The following MARF1 variants were observed in gnomAD, a reference collection of about 807,000 sequenced individuals.
MARF1 encodes limkain-b1.
A neutral mutation model predicts 168.2 loss-of-function variants in MARF1; 24 were observed. That is an observed-to-expected ratio of 0.14 (90% CI 0.10 to 0.20). The LOEUF is 0.20. Ranked by LOEUF, MARF1 falls within the 10% of genes least tolerant of loss-of-function variation. The pLI is 1.00. For synonymous variants in MARF1, 868 were observed against 822.4 expected (o/e 1.06, Z -0.95); for missense variants, 1,744 against 2,143.6 (o/e 0.81, Z 3.68).
intron 7 of MARF1, among the ~76,000 whole-genome samples, chr16:15,627,070 G>A (rs1480229632): frequency 6.6e-6 from 1 of 152,128 alleles, no homozygotes; most frequent in Non-Finnish European, 1.5e-5. Flanking sequence ...CGAACGAACT[G>A]GCCAGGCATG....
In MARF1 at chr16:15,594,713, T is replaced by C. The variant is rs1163346434; in HGVS notation, c.*1980A>G. The C allele has an allele frequency of 6.6e-6, 1 of 152,630 alleles. No individual in the cohort carries two copies. Among genetic ancestry groups the C allele is most frequent in the Non-Finnish European group, 1.5e-5 (1 of 68,038 alleles). 9.5% of individuals were successfully genotyped at this position (152,630 alleles called of 1,614,324 possible). A position where few individuals can be genotyped will look rare whatever the true frequency, so the allele number is the denominator to read the frequency against. ...AATAGATAGCAATTGGACTGGCCAT[T>C]GTGGAGTACATTATGAACACAATGT... On this transcript the variant is annotated 3_prime_UTR_variant, in exon 27 of 27. Transcript: ENST00000396368.
At chr16:15,640,697 A>G (rs1208805325) in intron 1 of MARF1, among the ~76,000 whole-genome samples, 1 of 152,238 alleles carries the variant, frequency 6.6e-6, no homozygotes, top group African/African-American at 2.4e-5. Flanking sequence ...CCCTGTCTCA[A>G]AAACCAACAA....
intron 8 of MARF1, 22 bp from the exon 9 acceptor site, chr16:15,625,195 G>A (rs554090256): frequency 6.2e-7 from 1 of 1,608,542 alleles, no homozygotes; most frequent in Admixed American, 1.7e-5. Context: ...CAAGCACAGT[G>A]GGGTTTAAAT....
chr16:15,625,639 C>T lies in MARF1; in HGVS notation c.1686G>A (p.Glu562=). ...ILRFINQDSA[E]RAQKRMENED... ...CGTTTTCCATTCGCTTCTGAGCGCG[C>T]TCTGCACTATCTTGGTTTATGAAGC... The change falls in exon 8 of 27, where the codon GAG becomes GAA. Residue 562 remains glutamate (E), a synonymous_variant. Transcript: ENST00000396368. 6.2e-7 allele frequency: 1 copy of T among 1,614,240 alleles called. No individual in the cohort carries two copies. Among genetic ancestry groups the T allele is most frequent in the African/African-American group, 1.3e-5 (1 of 75,058 alleles).
At chr16:15,620,629 T>TA (rs2034389180) in intron 12 of MARF1, 98 bp from the exon 13 acceptor site, 2 of 723,890 alleles carry the variant, frequency 2.8e-6, no homozygotes, top group Non-Finnish European at 4.5e-6. Context: ...ATATGCAAAA[T>TA]AAATTTACGG....
At chr16:15,602,338 GAGA>G (rs758799516) in intron 22 of MARF1, 135 bp from the exon 23 acceptor site, 2 of 687,554 alleles carry the variant, frequency 2.9e-6, no homozygotes, top group Non-Finnish European at 5.0e-6. Context: ...CAACGAAGAT[GAGA>G]AGATGAAGAT....
At chr16:15,642,002 G>C (rs2036011110) in intron 1 of MARF1, among the ~76,000 whole-genome samples, 1 of 152,122 alleles carries the variant, frequency 6.6e-6, no homozygotes, top group Admixed American at 6.5e-5. Context: ...CTGCATTTTG[G>C]TCTCCAATTT....
chr16:15,602,406 A>G (rs1213266888), intron 22 of MARF1: 14 of 613,952 alleles, frequency 2.3e-5, no homozygotes, highest in Non-Finnish European at 4.0e-5. Context: ...TAAAGAAGAC[A>G]ACAACAAAGA....
Position 15,624,945 on chromosome 16 carries a change from T to C in MARF1, c.2112-18A>G, listed in dbSNP as rs770507658. 2 of 1,613,830 alleles carry C rather than the reference T, an allele frequency of 1.2e-6. No individual in the cohort carries two copies. The highest frequency in any genetic ancestry group is 1.1e-5 in the South Asian group (1 of 91,052). Reference sequence around the variant, plus strand: ...TCTCCTTTCTAACAGAAGGGGAAAATTGAAGGCAAAAGGTCATATGTCTTC... The same window carrying C: ...TCTCCTTTCTAACAGAAGGGGAAAACTGAAGGCAAAAGGTCATATGTCTTC... On this transcript the variant is annotated intron_variant, in intron 9 of 26. Coordinates refer to ENST00000396368, the MANE Select transcript of MARF1 (RefSeq NM_014647.4).
chr16:15,627,445 C>G (rs1312298521), intron 7 of MARF1, among the ~76,000 whole-genome samples: 1 of 152,000 alleles, frequency 6.6e-6, no homozygotes, highest in Non-Finnish European at 1.5e-5. Flanking sequence ...ACAGTGAAAC[C>G]CCCTCTCTAC....
At chr16:15,608,779 A>C in intron 20 of MARF1, 1 of 470,170 alleles carries the variant, frequency 2.1e-6, no homozygotes, top group Non-Finnish European at 3.7e-6. Flanking sequence ...CAATAAAACA[A>C]TTTTTAAAAA....
Position 15,594,615 on chromosome 16 carries a change from A to G in MARF1, c.*2078T>C, listed in dbSNP as rs2031504989. On this transcript the variant is annotated 3_prime_UTR_variant, in exon 27 of 27. Transcript: ENST00000396368. ...AATCCGGTATATCTTTCCACCCAGA[A>G]ATAAAGAATTACATTGTCTTAATGC... 1 of 152,632 alleles carries G rather than the reference A, an allele frequency of 6.6e-6. No individual in the cohort carries two copies. The highest frequency in any genetic ancestry group is 2.4e-5 in the African/African-American group (1 of 41,448). 9.5% of individuals were successfully genotyped at this position (152,632 alleles called of 1,614,324 possible). A position where few individuals can be genotyped will look rare whatever the true frequency, so the allele number is the denominator to read the frequency against.
At chr16:15,639,950 G>A (rs1413173815) in intron 1 of MARF1, among the ~76,000 whole-genome samples, 1 of 152,106 alleles carries the variant, frequency 6.6e-6, no homozygotes, top group Non-Finnish European at 1.5e-5. Context: ...AACCATGTTT[G>A]AGAGAGGTAG....
chr16:15,639,229 A>G lies in MARF1; in HGVS notation c.5T>C (p.Met2Thr), dbSNP rs1352245582. 2 of 1,613,250 alleles carry G rather than the reference A, an allele frequency of 1.2e-6. No individual in the cohort carries two copies. Among genetic ancestry groups the G allele is most frequent in the Non-Finnish European group, 1.7e-6 (2 of 1,179,760 alleles). ...GGAGTTCTCAGTTCCGTTTCCTTCC[A>G]TCATACAGCCATGCAAAGTGATTCA... is the stretch of plus-strand genomic sequence containing the variant. M[M>T]EGNGTENSCS... The change falls in exon 2 of 27, where the codon ATG (methionine) becomes ACG (threonine). Residue 2 changes from methionine to threonine, a missense_variant. By Grantham distance (81) the Met-to-Thr change is moderately conservative. Transcript: ENST00000396368.
intron 16 of MARF1, among the ~76,000 whole-genome samples, chr16:15,613,562 T>G (rs2033763951): frequency 6.6e-6 from 1 of 151,708 alleles, no homozygotes; most frequent in East Asian, 1.9e-4. Flanking sequence ...CTCAGGAGGC[T>G]GAGGAAGGAG....
Position 15,617,402 on chromosome 16 carries a change from G to C in MARF1, c.2854C>G (p.Gln952Glu). Residue 952 changes from glutamine (Q) to glutamate (E), a missense_variant, in exon 14 of 27, where the codon CAG becomes GAG. Gln to Glu is a conservative substitution (Grantham distance 29). Transcript: ENST00000396368. ...QARQSPLGSS[Q>E]SHDGSSTNCS... ...TTCGTGGAGGAGCCGTCGTGTGACT[G>C]GGAAGACCCCAAGGGGCTCTGGCGG... 2 of 1,614,124 alleles carry C rather than the reference G, an allele frequency of 1.2e-6. No individual in the cohort carries two copies. Among genetic ancestry groups the C allele is most frequent in the Non-Finnish European group, 1.7e-6 (2 of 1,180,012 alleles).
intron 10 of MARF1, 151 bp from the exon 11 acceptor site, chr16:15,623,274 CTTTTTTTT>C (rs71375044): frequency 7.5e-5 from 9 of 119,208 alleles, no homozygotes; most frequent in Admixed American, 7.3e-4. Context: ...TGTTTTTAAT[CTTTTTTTT>C]TTTTTTTTTT....
At chr16:15,603,639 T>C (rs1334234428) in intron 22 of MARF1, among the ~76,000 whole-genome samples, 2 of 152,188 alleles carry the variant, frequency 1.3e-5, no homozygotes, top group African/African-American at 4.8e-5. Flanking sequence ...TGAGTGAATT[T>C]TGGTAACTTA....
In MARF1 at chr16:15,621,149, C is replaced by G. The variant is rs796270874; in HGVS notation, c.2639+584G>C. On this transcript the variant is annotated intron_variant, in intron 12 of 26. Coordinates refer to ENST00000396368, the MANE Select transcript of MARF1 (RefSeq NM_014647.4). ...TCGTAATTTAAGTAATAGTGAAGTA[C>G]AAGTTAGAAAAAAGATCTCTGATCA... 7.9e-5 allele frequency among the ~76,000 whole-genome samples: 12 copies of G among 151,620 alleles called. 1 individual carries two copies. The highest frequency in any genetic ancestry group is 2.7e-4 in the African/African-American group (11 of 41,334).
Sources: allele counts gnomAD v4.1 joint callset (sites outside exome capture counted in the v4.1 genomes callset), GRCh38; gene constraint gnomAD v4.1.1; transcripts MANE v1.5; gene names NCBI Gene and HGNC (gene_info 2026-07-23, HGNC 2026-07-21).